The following CHL1 variants were observed in gnomAD, a reference collection of about 807,000 sequenced individuals.
CHL1 encodes the protein cell adhesion molecule L1 like.
In CHL1, 96 loss-of-function variants were observed where a neutral mutation model predicts 141.9. The ratio of observed to expected loss-of-function variants is 0.68; its 90% CI spans 0.57 to 0.80. CHL1 has a LOEUF of 0.80. Among genes scored for constraint, CHL1 ranks in the 30% least tolerant of loss-of-function variants. CHL1 has a pLI of 0.00. For missense variants in CHL1, 1,820 were observed against 1,457.2 expected (o/e 1.25, Z -4.05); for synonymous variants, 613 against 502.2 (o/e 1.22, Z -2.95).
chr3:298,780 C>A (rs1421383769), intron 2 of CHL1, among the ~76,000 whole-genome samples: 6 of 152,104 alleles, frequency 3.9e-5, no homozygotes, highest in Non-Finnish European at 8.8e-5. Flanking sequence ...CTCCTAAATA[C>A]CTTCTTGGTG....
intron 10 of CHL1, among the ~76,000 whole-genome samples, chr3:351,101 G>A (rs762214899): frequency 5.9e-5 from 9 of 152,038 alleles, no homozygotes; most frequent in Non-Finnish European, 8.8e-5. Flanking sequence ...ACATAGCTAC[G>A]GTAGCTGAAT....
At chr3:251,372 G>A (rs999554263) in intron 2 of CHL1, among the ~76,000 whole-genome samples, 1 of 152,068 alleles carries the variant, frequency 6.6e-6, no homozygotes, top group African/African-American at 2.4e-5. Flanking sequence ...CAACTTTTCG[G>A]TTGAAGATTT....
Position 209,863 on chromosome 3 carries a change from G to C in CHL1, c.-175+12800G>C, listed in dbSNP as rs139811744. On this transcript the variant is annotated intron_variant, in intron 1 of 27. Transcript: ENST00000256509. ...GGTAGGTGCCGTTGTTTACAGATAG[G>C]ATTTTGTATTGCCCATTCCAAGTTT... 2.8e-3 allele frequency among the ~76,000 whole-genome samples: 431 copies of C among 152,258 alleles called. 1 individual carries two copies. Among genetic ancestry groups the C allele is most frequent in the African/African-American group, 9.9e-3 (412 of 41,548 alleles).
intron 26 of CHL1, among the ~76,000 whole-genome samples, chr3:400,778 G>T (rs1464108911): frequency 6.6e-6 from 1 of 151,578 alleles, no homozygotes; most frequent in African/African-American, 2.4e-5. Flanking sequence ...CTCCAGCCTG[G>T]GCGACAGAGT....
chr3:328,131 T>G (rs756202212), intron 4 of CHL1, 36 bp from the exon 5 acceptor site: 5 of 1,526,516 alleles, frequency 3.3e-6, no homozygotes, highest in Non-Finnish European at 4.5e-6. Context: ...TATGTCATTA[T>G]TTTTCAGGAT....
intron 19 of CHL1, among the ~76,000 whole-genome samples, chr3:387,709 T>G (rs1412550082): frequency 6.6e-6 from 1 of 152,182 alleles, no homozygotes; most frequent in Non-Finnish European, 1.5e-5. Context: ...CCTAATTCAC[T>G]GGGACAATGC....
At chr3:364,984 T>G (rs868655984) in intron 14 of CHL1, among the ~76,000 whole-genome samples, 1 of 152,250 alleles carries the variant, frequency 6.6e-6, no homozygotes. Context: ...AGAAGTAGGA[T>G]GTCAAATAAT....
intron 3 of CHL1, among the ~76,000 whole-genome samples, chr3:322,703 G>T (rs1237276870): frequency 7.0e-6 from 1 of 143,304 alleles, no homozygotes; most frequent in Non-Finnish European, 1.5e-5. Flanking sequence ...GAATAGCTGG[G>T]TGTGGTGGCT....
intron 2 of CHL1, among the ~76,000 whole-genome samples, chr3:272,106 T>C (rs1337790051): frequency 1.3e-5 from 2 of 152,248 alleles, no homozygotes; most frequent in Non-Finnish European, 2.9e-5. Flanking sequence ...TACCAGTTGC[T>C]ATCAATACAG....
intron 9 of CHL1, among the ~76,000 whole-genome samples, chr3:345,249 T>C (rs1391691070): frequency 6.6e-6 from 1 of 151,996 alleles, no homozygotes; most frequent in Non-Finnish European, 1.5e-5. Context: ...CTCTATGCTA[T>C]ACTACTTGCC....
intron 2 of CHL1, among the ~76,000 whole-genome samples, chr3:299,828 C>T (rs553575002): frequency 6.6e-6 from 1 of 151,894 alleles, no homozygotes. Context: ...CTGCGAACAC[C>T]CACAGGAAAA....
At position 377,874 on chromosome 3, in the gene CHL1, G is replaced by C. The variant is rs372673845; in HGVS notation, c.1808G>C (p.Gly603Ala). ...TISNVTLEDQ[G>A]IYCCSAHTAL... ...TCTAATGTAACTTTAGAGGACCAAG[G>C]TATTTACTGCTGTTCAGCTCATACT... Residue 603 changes from glycine to alanine, a missense_variant, in exon 16 of 28, where the codon GGT (glycine) becomes GCT (alanine). By Grantham distance (60) the Gly-to-Ala change is moderately conservative. Transcript: ENST00000256509. The C allele has an allele frequency of 3.7e-6, 6 of 1,611,724 alleles. No homozygotes were observed. The highest frequency in any genetic ancestry group is 4.2e-6 in the Non-Finnish European group (5 of 1,178,234).
At position 361,712 on chromosome 3, in the gene CHL1, G is replaced by C; in HGVS notation, c.1320G>C (p.Leu440Phe). The C allele has an allele frequency of 6.2e-7, 1 of 1,611,656 alleles. No individual in the cohort carries two copies. Among genetic ancestry groups the C allele is most frequent in the Non-Finnish European group, 8.5e-7 (1 of 1,177,944 alleles). The change falls in exon 13 of 28, where the codon TTG becomes TTC. Residue 440 changes from leucine (L) to phenylalanine (F), a missense_variant. Transcript: ENST00000256509. ...ANIDVVDVRPLIQTKDGENYA... is the reference protein window; with the variant it reads ...ANIDVVDVRPFIQTKDGENYA... ...ATTTTCAAATAGATGTCCGTCCATTGATACAAACCAAAGATGGAGAAAATT... is the reference window on the plus strand; with the variant it reads ...ATTTTCAAATAGATGTCCGTCCATTCATACAAACCAAAGATGGAGAAAATT...
chr3:257,620 G>A (rs1031396846), intron 2 of CHL1, among the ~76,000 whole-genome samples: 1 of 152,036 alleles, frequency 6.6e-6, no homozygotes, highest in Admixed American at 6.6e-5. Flanking sequence ...CCTAAGTGCT[G>A]GGATTACAAG....
chr3:263,827 T>A (rs996823706), intron 2 of CHL1, among the ~76,000 whole-genome samples: 6 of 152,252 alleles, frequency 3.9e-5, no homozygotes, highest in Non-Finnish European at 5.9e-5. Context: ...GCCACATATT[T>A]TTGCACTGTT....
intron 5 of CHL1, among the ~76,000 whole-genome samples, chr3:329,810 T>C (rs56376458): frequency 0.018 from 2,786 of 152,184 alleles, 76 homozygotes; most frequent in African/African-American, 0.064. Context: ...ATGACCATAT[T>C]AATGTCAGTC....
chr3:404,548 C>T, intron 27 of CHL1, among the ~76,000 whole-genome samples: 1 of 152,082 alleles, frequency 6.6e-6, no homozygotes, highest in East Asian at 1.9e-4. Context: ...GAATAAAACA[C>T]CTACCATAAA....
chr3:201,770 A>G (rs1698965839), intron 1 of CHL1, among the ~76,000 whole-genome samples: 1 of 152,212 alleles, frequency 6.6e-6, no homozygotes, highest in East Asian at 1.9e-4. Flanking sequence ...GTCTTATAAC[A>G]TTCTCCCTTC....
At chr3:254,482 AAGATAGGTTT>A (rs1186700935) in intron 2 of CHL1, among the ~76,000 whole-genome samples, 1 of 152,184 alleles carries the variant, frequency 6.6e-6, no homozygotes, top group Non-Finnish European at 1.5e-5. Context: ...TAGGGTCTTA[AAGATAGGTTT>A]TTTAGCTGGG....
Sources: gnomAD v4.1 joint callset for allele counts (sites outside exome capture counted in the v4.1 genomes callset) on GRCh38, gnomAD v4.1.1 for gene constraint, MANE v1.5 for transcripts, NCBI Gene and HGNC (gene_info 2026-07-23, HGNC 2026-07-21) for gene names.